NELL1: variants seen among roughly 807,000 people sequenced by gnomAD.
The protein encoded by NELL1 is neural EGFL like 1.
NELL1 carries 76 observed loss-of-function variants against 107.4 expected under a neutral mutation model. The observed-to-expected ratio is 0.71, with a 90% CI of 0.59 to 0.86. NELL1 has a LOEUF of 0.86. NELL1 is among the 40% of genes least tolerant of loss of function. NELL1 has a pLI of 0.00. For missense variants in NELL1, 1,024 were observed against 1,005.5 expected, an observed-to-expected ratio of 1.02 and a Z score of -0.25; for synonymous variants, 353 against 341.2, an observed-to-expected ratio of 1.03 and a Z score of -0.38.
chr11:21,186,959 C>G (rs1490272003), intron 13 of NELL1, among the ~76,000 whole-genome samples: 1 of 151,728 alleles, frequency 6.6e-6, no homozygotes, highest in Non-Finnish European at 1.5e-5. Context: ...TGACTTTGGA[C>G]AAGTCACTTT....
chr11:21,159,207 C>T (rs1217882670), intron 13 of NELL1, among the ~76,000 whole-genome samples: 1 of 152,096 alleles, frequency 6.6e-6, no homozygotes, highest in African/African-American at 2.4e-5. Context: ...AGATCTTAGA[C>T]TTGGACCTAG....
At chr11:21,457,517 A>T (rs1304353916) in intron 15 of NELL1, among the ~76,000 whole-genome samples, 1 of 152,208 alleles carries the variant, frequency 6.6e-6, no homozygotes, top group Non-Finnish European at 1.5e-5. Flanking sequence ...ACAGGCAGAG[A>T]TAGCAGTGCT....
At chr11:20,761,260 C>A (rs1856413926) in intron 2 of NELL1, among the ~76,000 whole-genome samples, 1 of 152,156 alleles carries the variant, frequency 6.6e-6, no homozygotes, top group Admixed American at 6.5e-5. Flanking sequence ...CCCTCAGGAA[C>A]TATAGCCTCA....
At chr11:21,150,312 A>G (rs1266496857) in intron 13 of NELL1, among the ~76,000 whole-genome samples, 1 of 152,188 alleles carries the variant, frequency 6.6e-6, no homozygotes, top group Non-Finnish European at 1.5e-5. Context: ...TGCTGCTAAG[A>G]AAAGGGCTTC....
chr11:21,256,842 G>T (rs200286989), intron 14 of NELL1, among the ~76,000 whole-genome samples: 1 of 151,998 alleles, frequency 6.6e-6, no homozygotes, highest in East Asian at 1.9e-4. Context: ...CCGGAAGCAC[G>T]GGTATAGGGC....
At chr11:20,995,624 G>C (rs1852074808) in intron 12 of NELL1, among the ~76,000 whole-genome samples, 1 of 151,892 alleles carries the variant, frequency 6.6e-6, no homozygotes, top group African/African-American at 2.4e-5. Flanking sequence ...CTACATCCCA[G>C]AAGAGAAGAG....
At chr11:20,980,337 A>G in intron 12 of NELL1, among the ~76,000 whole-genome samples, 1 of 152,198 alleles carries the variant, frequency 6.6e-6, no homozygotes, top group South Asian at 2.1e-4. Flanking sequence ...AGATGAACAT[A>G]TAGATTCCAG....
chr11:20,848,941 A>T (rs890402963), intron 4 of NELL1, among the ~76,000 whole-genome samples: 1 of 152,216 alleles, frequency 6.6e-6, no homozygotes. Context: ...TTTCCACCAG[A>T]TATAATAAAT....
chr11:21,018,525 G>A lies in NELL1; in HGVS notation c.1300+57965G>A, dbSNP rs112619597. 4.4e-3 allele frequency among the ~76,000 whole-genome samples: 677 copies of A among 152,184 alleles called. 3 individuals are homozygous for A. Among genetic ancestry groups the A allele is most frequent in the African/African-American group, 0.014 (600 of 41,540 alleles). On this transcript the variant is annotated intron_variant, in intron 12 of 19. Coordinates refer to ENST00000357134, the MANE Select transcript of NELL1 (RefSeq NM_006157.5). ...TGTTTGGTTTTGATCATCCTGATTA[G>A]GAGAATATCTAATTCTTCAGAGAGA...
chr11:20,885,617 GT>G, intron 5 of NELL1, 77 bp downstream of exon 5: 1 of 910,164 alleles, frequency 1.1e-6, no homozygotes, highest in Non-Finnish European at 1.8e-6. Flanking sequence ...TTGGAGCCGT[GT>G]TTATAATTAC....
intron 15 of NELL1, among the ~76,000 whole-genome samples, chr11:21,525,140 G>A (rs1046324081): frequency 6.6e-6 from 1 of 152,164 alleles, no homozygotes; most frequent in Non-Finnish European, 1.5e-5. Context: ...CAGTTTGTTA[G>A]AGAAAATACA....
chr11:20,747,259 A>G (rs546217887), intron 2 of NELL1, among the ~76,000 whole-genome samples: 1 of 152,372 alleles, frequency 6.6e-6, no homozygotes, highest in African/African-American at 2.4e-5. Context: ...TTTGTACGAT[A>G]CATTTTATTA....
At chr11:21,255,306 G>A (rs1858741405) in intron 14 of NELL1, among the ~76,000 whole-genome samples, 1 of 152,074 alleles carries the variant, frequency 6.6e-6, no homozygotes. Flanking sequence ...TCCCAGGAAA[G>A]TAATTGTGTT....
chr11:20,950,056 C>T (rs1017681720), intron 11 of NELL1, among the ~76,000 whole-genome samples: 6 of 152,134 alleles, frequency 3.9e-5, no homozygotes, highest in Admixed American at 2.6e-4. Flanking sequence ...GGTGTTTTCC[C>T]GGGAGGTAGG....
chr11:21,487,687 C>T (rs1480939053), intron 15 of NELL1, among the ~76,000 whole-genome samples: 1 of 151,954 alleles, frequency 6.6e-6, no homozygotes, highest in Admixed American at 6.6e-5. Flanking sequence ...CATTAATAAC[C>T]TCGAATTTAA....
At chr11:21,455,656 A>G (rs1238089376) in intron 15 of NELL1, among the ~76,000 whole-genome samples, 2 of 151,734 alleles carry the variant, frequency 1.3e-5, no homozygotes, top group South Asian at 2.1e-4. Flanking sequence ...TATTTTGTTA[A>G]TCCCTGGTTT....
At chr11:21,303,804 T>C (rs1013565706) in intron 14 of NELL1, among the ~76,000 whole-genome samples, 1 of 151,986 alleles carries the variant, frequency 6.6e-6, no homozygotes, top group African/African-American at 2.4e-5. Flanking sequence ...CAGAAACATG[T>C]TTCTTACAGT....
chr11:21,269,933 A>T (rs184139488), intron 14 of NELL1, among the ~76,000 whole-genome samples: 1 of 152,216 alleles, frequency 6.6e-6, no homozygotes, highest in African/African-American at 2.4e-5. Context: ...TTCTTTTGTT[A>T]TCATAAGGTT....
chr11:20,750,173 T>C (rs557664592), intron 2 of NELL1, among the ~76,000 whole-genome samples: 4 of 152,302 alleles, frequency 2.6e-5, no homozygotes, highest in African/African-American at 9.6e-5. Flanking sequence ...TAAATTTGTA[T>C]TTCCCCGATG....
Sources: gnomAD v4.1 joint callset for allele counts (sites outside exome capture counted in the v4.1 genomes callset) on GRCh38, gnomAD v4.1.1 for gene constraint, MANE v1.5 for transcripts, NCBI Gene and HGNC (gene_info 2026-07-23, HGNC 2026-07-21) for gene names.